SETMAR: variants seen among roughly 807,000 people sequenced by gnomAD.
SETMAR encodes histone-lysine N-methyltransferase SETMAR.
A neutral mutation model predicts 58.4 loss-of-function variants in SETMAR; 44 were observed. That is an observed-to-expected ratio of 0.75 (90% CI 0.59 to 0.97). The LOEUF (loss-of-function observed/expected upper bound fraction) is 0.97, where lower values mean the gene tolerates loss of function less well. SETMAR is among the 50% of genes least tolerant of loss of function. The pLI is 0.00. For missense variants in SETMAR, 903 were observed against 840.2 expected (o/e 1.07, Z -0.92); for synonymous variants, 332 against 307.4 (o/e 1.08, Z -0.84).
intron 1 of SETMAR, chr3:4,303,986 A>T (rs1698070130): frequency 1.7e-6 from 1 of 589,628 alleles, no homozygotes; most frequent in Non-Finnish European, 2.5e-6. Flanking sequence ...GGCGAGTGTA[A>T]ATTAGCTGTG....
intron 1 of SETMAR, 146 bp from the exon 2 acceptor site, chr3:4,312,752 C>A: frequency 7.5e-6 from 6 of 799,126 alleles, no homozygotes; most frequent in East Asian, 6.1e-5. Flanking sequence ...TGTTTTTGGA[C>A]AATATCTTAG....
intron 1 of SETMAR, 81 bp from the exon 2 acceptor site, chr3:4,312,817 G>C (rs1698463243): frequency 6.1e-6 from 9 of 1,481,764 alleles, no homozygotes; most frequent in Middle Eastern, 1.8e-4. Flanking sequence ...AATTAGAATG[G>C]GTCCCAGTCA....
chr3:4,309,795 C>T (rs1698332522), intron 1 of SETMAR, among the ~76,000 whole-genome samples: 1 of 152,218 alleles, frequency 6.6e-6, no homozygotes, highest in East Asian at 1.9e-4. Flanking sequence ...TAGGTCATAT[C>T]AGCTGACTCC....
intron 1 of SETMAR, among the ~76,000 whole-genome samples, chr3:4,306,140 G>T (rs980184677): frequency 6.6e-6 from 1 of 152,152 alleles, no homozygotes; most frequent in African/African-American, 2.4e-5. Flanking sequence ...TATTCCTGCC[G>T]TGCGTGTGTG....
chr3:4,303,959 C>T, intron 1 of SETMAR: 2 of 898,212 alleles, frequency 2.2e-6, no homozygotes, highest in Middle Eastern at 4.6e-4. Flanking sequence ...TGGTCTCCCT[C>T]ACGCTGTGGG....
chr3:4,312,846 T>C, intron 1 of SETMAR, 52 bp from the exon 2 acceptor site: 2 of 1,535,248 alleles, frequency 1.3e-6, no homozygotes, highest in Non-Finnish European at 1.7e-6. Context: ...TTGGAATATA[T>C]AGGAAATATA....
chr3:4,312,010 C>T (rs1698424701), intron 1 of SETMAR, among the ~76,000 whole-genome samples: 1 of 152,172 alleles, frequency 6.6e-6, no homozygotes, highest in African/African-American at 2.4e-5. Context: ...TAACATTTTA[C>T]AAATGTAATG....
chr3:4,314,847 A>T (rs1371852286), intron 2 of SETMAR, among the ~76,000 whole-genome samples: 2 of 152,254 alleles, frequency 1.3e-5, no homozygotes, highest in Non-Finnish European at 2.9e-5. Context: ...GATATTATTA[A>T]GTAATTTAAT....
rs756946738 is a variant in SETMAR, at chr3:4,313,192, TG to T, written c.455del (p.Gly152AspfsTer22). ...FQVFKTHKKG[W>X]GLRTLEFIPK... ...AGTGTTCAAGACGCATAAAAAAGGC[TG>T]GGGACTTCGTACCTTGGAATTTATA... is the stretch of plus-strand genomic sequence containing the variant. On this transcript the variant is annotated frameshift_variant, in exon 2 of 3. Coordinates refer to ENST00000358065, the MANE Select transcript of SETMAR (RefSeq NM_006515.4). LOFTEE classifies it high-confidence loss of function. The T allele has an allele frequency of 1.7e-4, 282 of 1,613,884 alleles. 1 individual carries two copies. Among genetic ancestry groups the T allele is most frequent in the Non-Finnish European group, 2.3e-4 (277 of 1,179,980 alleles).
chr3:4,316,265 G>T lies in SETMAR; in HGVS notation c.1074G>T (p.Glu358Asp). ...KKQIRAIFLF[E>D]FKMGRKAAET... ...AAATTCGAGCAATTTTCTTATTCGA[G>T]TTCAAAATGGGTCGTAAAGCAGCAG... Residue 358 changes from glutamate to aspartate, a missense_variant, in exon 3 of 3, where the codon GAG (glutamate) becomes GAT (aspartate). By Grantham distance (45) the Glu-to-Asp change is conservative. Coordinates refer to ENST00000358065, the MANE Select transcript of SETMAR (RefSeq NM_006515.4). 1 of 841,778 alleles carries T rather than the reference G, an allele frequency of 1.2e-6. No homozygotes were observed. The highest frequency in any genetic ancestry group is 1.9e-6 in the Non-Finnish European group (1 of 514,346). The allele number at this position is 841,778 out of a possible 1,614,324, so 52.1% of individuals were successfully genotyped here. A position where few individuals can be genotyped will look rare whatever the true frequency, so the allele number is the denominator to read the frequency against.
intron 1 of SETMAR, chr3:4,303,893 A>G (rs1159859306): frequency 1.6e-6 from 2 of 1,249,318 alleles, no homozygotes; most frequent in Non-Finnish European, 2.1e-6. Flanking sequence ...GGGGCCTATT[A>G]ATGGATCGCA....
At chr3:4,305,702 T>C (rs970352932) in intron 1 of SETMAR, among the ~76,000 whole-genome samples, 1 of 152,192 alleles carries the variant, frequency 6.6e-6, no homozygotes, top group Non-Finnish European at 1.5e-5. Context: ...CCATGCTATA[T>C]AGGGTTAAAA....
Position 4,316,995 on chromosome 3 carries a change from T to C in SETMAR, c.1804T>C (p.Leu602=). 1 of 1,549,350 alleles carries C rather than the reference T, an allele frequency of 6.5e-7. No homozygotes were observed. Among genetic ancestry groups the C allele is most frequent in the Non-Finnish European group, 8.7e-7 (1 of 1,146,728 alleles). The change falls in exon 3 of 3, where the codon TTG becomes CTG. Residue 602 remains leucine (L), a synonymous_variant. Transcript: ENST00000358065. ...TGTTGCACAACCCACACTTCAAAAG[T>C]TGAATGAATTGGGCTATGAAGTTTT... ...PHVAQPTLQK[L]NELGYEVLPH... is the part of the protein sequence containing the mutation.
chr3:4,314,387 T>G (rs1698551965), intron 2 of SETMAR: 1 of 152,684 alleles, frequency 6.5e-6, no homozygotes, highest in Non-Finnish European at 1.5e-5. Context: ...AAGCTGACTT[T>G]TTGATTTCTG....
Position 4,313,265 on chromosome 3 carries a change from T to G in SETMAR, c.524T>G (p.Phe175Cys), listed in dbSNP as rs757294648. ...VCEYAGEVLG[F>C]SEVQRRIHLQ... ...GAATATGCTGGTGAGGTTTTAGGAT[T>G]CTCTGAAGTTCAGAGAAGAATTCAC... Residue 175 changes from phenylalanine (F) to cysteine (C), a missense_variant, in exon 2 of 3, where the codon TTC becomes TGC. Transcript: ENST00000358065. 6.2e-7 allele frequency: 1 copy of G among 1,613,968 alleles called. No individual in the cohort carries two copies. The highest frequency in any genetic ancestry group is 8.5e-7 in the Non-Finnish European group (1 of 1,179,966).
chr3:4,311,594 A>G (rs1015597623), intron 1 of SETMAR, among the ~76,000 whole-genome samples: 4 of 152,186 alleles, frequency 2.6e-5, no homozygotes, highest in Admixed American at 6.5e-5. Flanking sequence ...GAACAATGAG[A>G]TTATTCCTTA....
At chr3:4,303,879 C>A in intron 1 of SETMAR, 1 of 1,277,728 alleles carries the variant, frequency 7.8e-7, no homozygotes, top group Non-Finnish European at 1.0e-6. Context: ...GTAGGATAAG[C>A]CGTGGGGCCT....
intron 1 of SETMAR, 115 bp downstream of exon 1, chr3:4,303,641 C>A (rs1021234246): frequency 8.4e-6 from 12 of 1,425,124 alleles, no homozygotes; most frequent in Admixed American, 2.9e-5. Context: ...TCTCTTACAG[C>A]GCACCCGTTG....
At chr3:4,304,286 CATGG>C (rs1307059782) in intron 1 of SETMAR, among the ~76,000 whole-genome samples, 6 of 152,202 alleles carry the variant, frequency 3.9e-5, no homozygotes, top group African/African-American at 1.4e-4. Context: ...GGATTACAGG[CATGG>C]GCCACCACGC....
Sources: allele counts gnomAD v4.1 joint callset (sites outside exome capture counted in the v4.1 genomes callset), GRCh38; gene constraint gnomAD v4.1.1; transcripts MANE v1.5; gene names NCBI Gene and HGNC (gene_info 2026-07-23, HGNC 2026-07-21).